The following OPN3 variants were observed in gnomAD, a reference collection of about 807,000 sequenced individuals.
OPN3 encodes opsin 3, also known as opsin-3.
A neutral mutation model predicts 33.8 loss-of-function variants in OPN3; 29 were observed. The observed-to-expected ratio is 0.86, with a 90% CI of 0.64 to 1.17. The LOEUF is 1.17. OPN3 is among the 50% of genes most tolerant of loss of function. The pLI is 0.00. For synonymous variants in OPN3, 216 were observed against 216.1 expected (o/e 1.00, Z 0.00); for missense variants, 437 against 514.1 (o/e 0.85, Z 1.45).
Position 241,594,338 on chromosome 1 carries a change from A to G in OPN3, c.*90T>C. On this transcript the variant is annotated 3_prime_UTR_variant, in exon 4 of 4. Transcript: ENST00000366554. The stretch of plus-strand genomic sequence containing the variant: ...GACCACAAGGTTCTGTTGATATTAC[A>G]TAGAACGGGTATTCCAGACACTTCT... 7.2e-7 allele frequency: 1 copy of G among 1,390,366 alleles called. No homozygotes were observed. The allele number at this position is 1,390,366 out of a possible 1,614,324, so 86.1% of individuals were successfully genotyped here. A position where few individuals can be genotyped will look rare whatever the true frequency, so the allele number is the denominator to read the frequency against.
At position 241,604,537 on chromosome 1, in the gene OPN3, C is replaced by T. The variant is rs777101745; in HGVS notation, c.416G>A (p.Arg139His). The T allele has an allele frequency of 1.4e-5, 22 of 1,613,856 alleles. No homozygotes were observed. The highest frequency in any genetic ancestry group is 7.7e-5 in the South Asian group (7 of 91,074). ...TCTGGCATGGACCACGCGAATGTAA[C>T]GTTCATAGGCCAGCACGGTTAGGGT... ...IATLTVLAYERYIRVVHARVI... is the reference protein window; with the variant it reads ...IATLTVLAYEHYIRVVHARVI... The change falls in exon 2 of 4, where the codon CGT (arginine) becomes CAT (histidine). Residue 139 changes from arginine (R) to histidine (H), a missense_variant. Transcript: ENST00000366554.
At chr1:241,639,056 A>T (rs1273000628) in intron 1 of OPN3, 2 of 152,252 alleles carry the variant, frequency 1.3e-5, no homozygotes, top group African/African-American at 4.8e-5. Context: ...ATCATCCTTC[A>T]AAACATCATG....
At chr1:241,636,001 T>G (rs1018289892) in intron 1 of OPN3, 2 of 490,872 alleles carry the variant, frequency 4.1e-6, no homozygotes, top group Non-Finnish European at 7.2e-6. Context: ...GATGTGTGGT[T>G]TCATTTCTGC....
At chr1:241,606,079 C>T (rs1663822376) in intron 1 of OPN3, among the ~76,000 whole-genome samples, 1 of 152,156 alleles carries the variant, frequency 6.6e-6, no homozygotes, top group Non-Finnish European at 1.5e-5. Flanking sequence ...TGGAAACCAA[C>T]TTGAAGGCTA....
chr1:241,605,825 G>A (rs1347496991), intron 1 of OPN3, among the ~76,000 whole-genome samples: 1 of 152,226 alleles, frequency 6.6e-6, no homozygotes, highest in Non-Finnish European at 1.5e-5. Flanking sequence ...GGGCTCACAG[G>A]AGATGGAAAG....
At chr1:241,611,336 G>A (rs1375178108) in intron 1 of OPN3, among the ~76,000 whole-genome samples, 4 of 151,970 alleles carry the variant, frequency 2.6e-5, no homozygotes, top group African/African-American at 4.8e-5. Context: ...TTACTATGAC[G>A]AAACCCATGC....
intron 1 of OPN3, among the ~76,000 whole-genome samples, chr1:241,610,321 T>A (rs1340669782): frequency 6.6e-6 from 1 of 152,106 alleles, no homozygotes; most frequent in African/African-American, 2.4e-5. Context: ...GTGATAAGAG[T>A]TAAACAAAGC....
chr1:241,606,586 T>TAAATAAATAAATAAAA (rs774162885), intron 1 of OPN3, among the ~76,000 whole-genome samples: 6 of 126,870 alleles, frequency 4.7e-5, no homozygotes, highest in East Asian at 2.5e-4. Context: ...AATAAATAAA[T>TAAATAAATAAATAAAA]AAAATAAATA....
At chr1:241,618,972 T>TTATATA (rs139434037) in intron 1 of OPN3, among the ~76,000 whole-genome samples, 1,541 of 147,896 alleles carry the variant, frequency 0.01, 21 homozygotes, top group African/African-American at 0.036. Flanking sequence ...GCAGGCTAGT[T>TTATATA]TATATATATA....
At chr1:241,598,884 ATTTTTTAAGTAG>A (rs1252508145) in intron 2 of OPN3, among the ~76,000 whole-genome samples, 1 of 152,164 alleles carries the variant, frequency 6.6e-6, no homozygotes, top group African/African-American at 2.4e-5. Context: ...CTATATATTG[ATTTTTTAAGTAG>A]TTAGCATATA....
Position 241,594,291 on chromosome 1 carries a change from G to A in OPN3, c.*137C>T, listed in dbSNP as rs996396368. On this transcript the variant is annotated 3_prime_UTR_variant, in exon 4 of 4. Coordinates refer to ENST00000366554, the MANE Select transcript of OPN3 (RefSeq NM_014322.3). ...CTCTTCCTGAGGCCCAAGAGCATAT[G>A]GGCAATTCGGATTTCCTGCTGGACC... 24 of 932,328 alleles carry A rather than the reference G, an allele frequency of 2.6e-5. No homozygotes were observed. The South Asian group carries it at 3.7e-4, about 14-fold the overall frequency. The allele number at this position is 932,328 out of a possible 1,614,324, so 57.8% of individuals were successfully genotyped here.
intron 1 of OPN3, chr1:241,632,696 G>A (rs989283944): frequency 3.3e-5 from 5 of 152,112 alleles, no homozygotes; most frequent in Admixed American, 1.3e-4. Flanking sequence ...GGACACAACC[G>A]AAAGGGCATG....
intron 1 of OPN3, among the ~76,000 whole-genome samples, chr1:241,610,927 C>T (rs547992633): frequency 5.4e-4 from 81 of 150,880 alleles, no homozygotes; most frequent in African/African-American, 1.8e-3. Flanking sequence ...GCTGTCTCAT[C>T]GTGTGGGTGT....
intron 1 of OPN3, among the ~76,000 whole-genome samples, chr1:241,615,342 C>G (rs937575670): frequency 1.3e-5 from 2 of 152,110 alleles, no homozygotes; most frequent in Admixed American, 1.3e-4. Context: ...GAGGCATACG[C>G]TTTGTTTCCA....
chr1:241,629,692 T>A (rs1446211221), intron 1 of OPN3: 1 of 152,160 alleles, frequency 6.6e-6, no homozygotes, highest in Non-Finnish European at 1.5e-5. Context: ...ACTTGTAGTA[T>A]TTTTCTTTTT....
At chr1:241,603,988 T>C (rs1250163214) in intron 2 of OPN3, among the ~76,000 whole-genome samples, 1 of 152,198 alleles carries the variant, frequency 6.6e-6, no homozygotes, top group African/African-American at 2.4e-5. Flanking sequence ...TTGGATAATG[T>C]AGGGTTTTTT....
At chr1:241,628,856 T>A (rs918146150) in intron 1 of OPN3, 1 of 152,542 alleles carries the variant, frequency 6.6e-6, no homozygotes, top group African/African-American at 2.4e-5. Flanking sequence ...ACCAGTTCAG[T>A]AAACCACTTT....
Position 241,633,673 on chromosome 1 carries a change from C to T in OPN3, c.373+6209G>A, listed in dbSNP as rs1355793360. On this transcript the variant is annotated intron_variant, in intron 1 of 3. Coordinates refer to ENST00000366554, the MANE Select transcript of OPN3 (RefSeq NM_014322.3). ...CTGAATGTCTGAGAGTTAAAGACAA[C>T]ATCTGCATAGCATTCATCATATATA... is the stretch of plus-strand genomic sequence containing the variant. 5 of 963,382 alleles carry T rather than the reference C, an allele frequency of 5.2e-6. No individual in the cohort carries two copies. In the Admixed American group the frequency reaches 7.0e-5, roughly 13 times the overall value. The allele number at this position is 963,382 out of a possible 1,614,324, so 59.7% of individuals were successfully genotyped here.
intron 1 of OPN3, among the ~76,000 whole-genome samples, chr1:241,610,728 A>G (rs956234443): frequency 6.6e-6 from 1 of 152,250 alleles, no homozygotes; most frequent in African/African-American, 2.4e-5. Flanking sequence ...TCAGTAATAG[A>G]GACATATGTT....
Sources: gnomAD v4.1 joint callset for allele counts (sites outside exome capture counted in the v4.1 genomes callset) on GRCh38, gnomAD v4.1.1 for gene constraint, MANE v1.5 for transcripts, NCBI Gene and HGNC (gene_info 2026-07-23, HGNC 2026-07-21) for gene names.